LEMD1: variants seen among roughly 807,000 people sequenced by gnomAD.
LEMD1 encodes LEM domain-containing protein 1.
Under a neutral mutation model 17.4 loss-of-function variants are expected in LEMD1, and 18 were observed. The observed-to-expected ratio is 1.04, with a 90% confidence interval of 0.72 to 1.54. The LOEUF is 1.54. Ranked by LOEUF, LEMD1 falls within the 40% of genes most tolerant of loss-of-function variation. The probability of loss-of-function intolerance (pLI) is 0.00; values close to 1 mark genes in which losing one functional copy is unlikely to be tolerated. For missense variants in LEMD1, 195 were observed against 210.4 expected (o/e 0.93, Z 0.45); for synonymous variants, 88 against 77.8 (o/e 1.13, Z -0.69).
intron 1 of LEMD1, among the ~76,000 whole-genome samples, chr1:205,442,951 T>G (rs1336771275): frequency 1.3e-5 from 2 of 152,176 alleles, no homozygotes; most frequent in African/African-American, 4.8e-5. Context: ...TCTCTGGGCC[T>G]TCATTACCTC....
intron 4 of LEMD1, among the ~76,000 whole-genome samples, chr1:205,410,521 G>A (rs1404873230): frequency 2.0e-5 from 3 of 152,164 alleles, no homozygotes; most frequent in Non-Finnish European, 2.9e-5. Flanking sequence ...GTCAGAAAGA[G>A]AAAGATCATC....
chr1:205,391,318 G>C (rs1664321956), intron 4 of LEMD1, among the ~76,000 whole-genome samples: 1 of 151,912 alleles, frequency 6.6e-6, no homozygotes, highest in Non-Finnish European at 1.5e-5. Flanking sequence ...ACAGGCCAGG[G>C]AGCTTGAGAC....
chr1:205,393,237 T>C (rs1664423385), intron 4 of LEMD1, among the ~76,000 whole-genome samples: 1 of 152,062 alleles, frequency 6.6e-6, no homozygotes, highest in East Asian at 1.9e-4. Context: ...AAGTGGCCAA[T>C]AAGCACATAA....
upstream of LEMD1, among the ~76,000 whole-genome samples, chr1:205,422,440 G>A (rs989871448): frequency 6.6e-6 from 1 of 152,186 alleles, no homozygotes; most frequent in Non-Finnish European, 1.5e-5. Context: ...GAAGAAACCT[G>A]TATTAATTTG....
chr1:205,411,176 A>G (rs111835552), intron 4 of LEMD1, among the ~76,000 whole-genome samples: 1 of 144,926 alleles, frequency 6.9e-6, no homozygotes, highest in African/African-American at 2.6e-5. Context: ...GAGAGAAAGA[A>G]GGAAAGAAGG....
intron 4 of LEMD1, among the ~76,000 whole-genome samples, chr1:205,390,788 C>A (rs1457974235): frequency 6.6e-6 from 1 of 152,112 alleles, no homozygotes; most frequent in African/African-American, 2.4e-5. Context: ...TGAGCATATC[C>A]TTTACTAAGA....
chr1:205,424,441 TC>T (rs1181981179), upstream of LEMD1, among the ~76,000 whole-genome samples: 6 of 152,114 alleles, frequency 3.9e-5, no homozygotes, highest in African/African-American at 1.2e-4. Flanking sequence ...TTGTTGATCA[TC>T]TCCTGTGGGA....
intron 4 of LEMD1, among the ~76,000 whole-genome samples, chr1:205,392,170 T>C (rs1178189678): frequency 1.3e-5 from 2 of 151,946 alleles, no homozygotes; most frequent in Non-Finnish European, 2.9e-5. Context: ...TAATAGACAC[T>C]GACATCAAGA....
intron 4 of LEMD1, among the ~76,000 whole-genome samples, chr1:205,395,047 G>A (rs1664525015): frequency 6.6e-6 from 1 of 151,446 alleles, no homozygotes; most frequent in African/African-American, 2.4e-5. Context: ...TAAAAATCTT[G>A]ATTCTTGTCA....
intron 1 of LEMD1, among the ~76,000 whole-genome samples, chr1:205,433,750 C>A (rs540883612): frequency 6.6e-6 from 1 of 152,296 alleles, no homozygotes; most frequent in Non-Finnish European, 1.5e-5. Context: ...ACTTAGTGAG[C>A]GCTTTGTGCT....
rs778026963 is a variant in LEMD1 at position 205,381,682 on chromosome 1, C to T, written c.522G>A (p.Val174=). 1.9e-6 allele frequency: 3 copies of T among 1,614,236 alleles called. No homozygotes were observed. Among genetic ancestry groups the T allele is most frequent in the South Asian group, 2.2e-5 (2 of 91,088 alleles). ...FIIVVFVYLT[V]ENKSLFG ...CTTAACCAAACAGCGACTTATTTTC[C>T]ACAGTCAGGTAGACAAACACCACAA... Residue 174 remains valine (V), a synonymous_variant, in exon 6 of 6, where the codon GTG becomes GTA. Coordinates refer to ENST00000367153, the MANE Select transcript of LEMD1 (RefSeq NM_001199050.2).
chr1:205,387,971 G>A (rs1664119082), intron 4 of LEMD1, among the ~76,000 whole-genome samples: 1 of 152,146 alleles, frequency 6.6e-6, no homozygotes, highest in Admixed American at 6.5e-5. Context: ...TATGTGAAAG[G>A]TGCTTTTATT....
At chr1:205,388,399 C>T (rs1421693900) in intron 4 of LEMD1, among the ~76,000 whole-genome samples, 1 of 152,154 alleles carries the variant, frequency 6.6e-6, no homozygotes, top group South Asian at 2.1e-4. Context: ...GGGGTTTCAC[C>T]AGGATGGCCT....
At chr1:205,442,204 G>C (rs1666306503) in intron 1 of LEMD1, among the ~76,000 whole-genome samples, 1 of 152,168 alleles carries the variant, frequency 6.6e-6, no homozygotes. Flanking sequence ...GAAGAACATG[G>C]GGGCAAGCAG....
Position 205,448,313 on chromosome 1 carries a change from C to G in LEMD1, c.-39+1555G>C, listed in dbSNP as rs775267014. ...GCTGCGCAGGAGAAGGAGCTCGCCC[C>G]TCACTGTAGCCCATGGCTTTTAGCC... On this transcript the variant is annotated intron_variant, in intron 1 of 3. Coordinates refer to the LEMD1 transcript ENST00000367154. The surrounding 1 kb of genome is among the most constrained non-coding windows in gnomAD (Gnocchi z 4.7). The G allele has an allele frequency of 5.6e-6, 3 of 531,582 alleles. No individual in the cohort carries two copies. The highest frequency in any genetic ancestry group is 1.2e-5 in the Non-Finnish European group (3 of 257,566). The allele number at this position is 531,582 out of a possible 1,614,324, so 32.9% of individuals were successfully genotyped here.
At chr1:205,412,978 T>C (rs1030762601) in intron 4 of LEMD1, among the ~76,000 whole-genome samples, 2 of 152,252 alleles carry the variant, frequency 1.3e-5, no homozygotes, top group Non-Finnish European at 2.9e-5. Flanking sequence ...ATTCCTTTAA[T>C]GAGCTATTTG....
chr1:205,417,890 T>G (rs965495617), intron 3 of LEMD1, among the ~76,000 whole-genome samples: 5 of 149,702 alleles, frequency 3.3e-5, no homozygotes, highest in Non-Finnish European at 7.4e-5. Flanking sequence ...ACGAGAAAAA[T>G]GTAGGGTATG....
intron 4 of LEMD1, among the ~76,000 whole-genome samples, chr1:205,388,851 T>C (rs2102347228): frequency 6.6e-6 from 1 of 152,284 alleles, no homozygotes; most frequent in Non-Finnish European, 1.5e-5. Context: ...AGGTGGACTA[T>C]TTTGTGCTAA....
rs778504333 is a variant in LEMD1 at position 205,411,091 on chromosome 1, AG to A, written c.270+5140del. Reference sequence around the variant, plus strand: ...GAAAGAAAGAAATGAAGGAAAAAGAAGAAAGAAAAAAGAAAGAAAGGAAGGA... The same window carrying A: ...GAAAGAAAGAAATGAAGGAAAAAGAAAAAGAAAAAAGAAAGAAAGGAAGGA... On this transcript the variant is annotated intron_variant, in intron 4 of 5. Transcript: ENST00000367153. Among the ~76,000 whole-genome samples, 75 of 17,376 alleles carry A rather than the reference AG, an allele frequency of 4.3e-3. 1 individual carries two copies. Among genetic ancestry groups the A allele is most frequent in the South Asian group, 0.023 (6 of 264 alleles). The allele number at this position is 17,376 out of a possible 152,430, so 11.4% of individuals were successfully genotyped here.
Sources: gnomAD v4.1 joint callset for allele counts (sites outside exome capture counted in the v4.1 genomes callset) on GRCh38, gnomAD v4.1.1 for gene constraint, Gnocchi (gnomAD v3.1) non-coding constraint, MANE v1.5 for transcripts, NCBI Gene and HGNC (gene_info 2026-07-23, HGNC 2026-07-21) for gene names.